The following DYSF variants were observed in gnomAD, a reference collection of about 807,000 sequenced individuals.
DYSF encodes the protein dysferlin.
Under a neutral mutation model 274.9 loss-of-function variants are expected in DYSF, and 212 were observed. The observed-to-expected ratio is 0.77, with a 90% confidence interval of 0.69 to 0.86. The LOEUF (loss-of-function observed/expected upper bound fraction) is 0.86. Among genes scored for constraint, DYSF ranks in the 40% least tolerant of loss-of-function variants. DYSF has a pLI of 0.00. For missense variants in DYSF, 2,666 were observed against 2,783.2 expected (o/e 0.96, Z 0.95); for synonymous variants, 1,091 against 1,078.7 (o/e 1.01, Z -0.22).
At chr2:71,668,717 G>T in intron 48 of DYSF, 37 bp from the exon 49 acceptor site, 1 of 1,600,190 alleles carries the variant, frequency 6.2e-7, no homozygotes. Flanking sequence ...CTGGTTAAAT[G>T]AGAAGGGTGG....
At chr2:71,613,538 G>A (rs373446408) in intron 40 of DYSF, 128 bp downstream of exon 40, 10 of 864,610 alleles carry the variant, frequency 1.2e-5, no homozygotes, top group South Asian at 2.9e-5. Flanking sequence ...GGGCTCTGCG[G>A]TTGGACACTG....
intron 52 of DYSF, among the ~76,000 whole-genome samples, chr2:71,676,785 T>G (rs997201933): frequency 1.3e-5 from 2 of 152,220 alleles, no homozygotes; most frequent in Non-Finnish European, 2.9e-5. Context: ...TAATTTGTTT[T>G]CTAATTACAT....
At chr2:71,574,424 A>C in intron 30 of DYSF, 53 bp downstream of exon 30, 2 of 1,593,576 alleles carry the variant, frequency 1.3e-6, no homozygotes, top group South Asian at 2.2e-5. Flanking sequence ...TTGGTTTCCC[A>C]GGGCTGTTCG....
chr2:71,674,201 C>A lies in DYSF; in HGVS notation c.5789C>A (p.Ala1930Asp), dbSNP rs1346535569. ...EQVCTIAKKD[A>D]FWRLDKTESK... is the part of the protein sequence containing the mutation. ...TCTGTTCCTCTTCCGGGTCAGGATG[C>A]CTTCTGGAGGCTGGACAAGACTGAG... Residue 1930 changes from alanine to aspartate, a missense_variant, in exon 52 of 56, where the codon GCC (alanine) becomes GAC (aspartate). By Grantham distance (126) the Ala-to-Asp change is moderately radical (BLOSUM62 -2). Transcript: ENST00000410020. 5 of 1,614,000 alleles carry A rather than the reference C, an allele frequency of 3.1e-6. No individual in the cohort carries two copies. Among genetic ancestry groups the A allele is most frequent in the South Asian group, 1.1e-5 (1 of 91,076 alleles).
At chr2:71,622,824 A>G (rs2094135526) in intron 41 of DYSF, among the ~76,000 whole-genome samples, 1 of 152,200 alleles carries the variant, frequency 6.6e-6, no homozygotes, top group South Asian at 2.1e-4. Flanking sequence ...CATCTTGGCC[A>G]GGCTGATCTT....
At chr2:71,675,508 C>T (rs933980463) in intron 52 of DYSF, among the ~76,000 whole-genome samples, 10 of 152,152 alleles carry the variant, frequency 6.6e-5, no homozygotes, top group South Asian at 4.1e-4. Flanking sequence ...TTCTGAGGCG[C>T]GGCTTCCGGC....
intron 4 of DYSF, among the ~76,000 whole-genome samples, chr2:71,510,742 G>A (rs2086007002): frequency 6.6e-6 from 1 of 152,224 alleles, no homozygotes; most frequent in Non-Finnish European, 1.5e-5. Flanking sequence ...GCCACTCAGA[G>A]GGACATTATG....
At position 71,513,748 on chromosome 2, in the gene DYSF, G is replaced by A; in HGVS notation, c.586G>A (p.Gly196Arg). 1 of 1,614,146 alleles carries A rather than the reference G, an allele frequency of 6.2e-7. No individual in the cohort carries two copies. The highest frequency in any genetic ancestry group is 8.5e-7 in the Non-Finnish European group (1 of 1,180,016). The change falls in exon 7 of 56, where the codon GGA becomes AGA. Residue 196 changes from glycine to arginine, a missense_variant. This residue lies in a region of DYSF where 794 missense variants were observed against 777.1 expected (regional missense o/e 1.02). Coordinates refer to ENST00000410020, the MANE Select transcript of DYSF (RefSeq NM_001130987.2). ...AGGAGAGGAAGACACAGAGGACCAGGGACTCACTGGAGATGAGGCGGAGCC... is the reference window on the plus strand; with the variant it reads ...AGGAGAGGAAGACACAGAGGACCAGAGACTCACTGGAGATGAGGCGGAGCC... ...TGGEEDTEDQ[G>R]LTGDEAEPFL...
chr2:71,625,684 TAAAA>T (rs201281403), intron 41 of DYSF, among the ~76,000 whole-genome samples: 6 of 151,968 alleles, frequency 3.9e-5, no homozygotes, highest in Non-Finnish European at 8.8e-5. Flanking sequence ...CTTGTCAACT[TAAAA>T]AAAAGTTGAG....
chr2:71,570,030 C>T (rs562126376), intron 27 of DYSF, 96 bp downstream of exon 27: 1 of 1,223,264 alleles, frequency 8.2e-7, no homozygotes, highest in South Asian at 1.2e-5. Context: ...CTCTTTGCCC[C>T]CTCTTACCTC....
chr2:71,523,155 G>A (rs2087488465), intron 12 of DYSF, among the ~76,000 whole-genome samples: 1 of 152,172 alleles, frequency 6.6e-6, no homozygotes, highest in Non-Finnish European at 1.5e-5. Flanking sequence ...TCTCCACTGT[G>A]ATCATCATGC....
chr2:71,512,025 C>A, intron 5 of DYSF, 104 bp downstream of exon 5: 1 of 792,624 alleles, frequency 1.3e-6, no homozygotes, highest in Non-Finnish European at 2.2e-6. Context: ...GCCTTTGCTG[C>A]CCTCCCCAGG....
In DYSF at chr2:71,570,719, G is replaced by C; in HGVS notation, c.3206G>C (p.Ser1069Thr). The change falls in exon 29 of 56, where the codon AGC becomes ACC. Residue 1069 changes from serine to threonine, a missense_variant. Ser to Thr is a moderately conservative substitution (Grantham distance 58, BLOSUM62 1). Around this residue, in one of 3 missense-constraint regions of DYSF, gnomAD observed 1,460 missense variants for 1,502.1 expected, o/e 0.97. Coordinates refer to ENST00000410020, the MANE Select transcript of DYSF (RefSeq NM_001130987.2). ...RWVRLRRRDLSQMEALKRHRQ... is the reference protein window; with the variant it reads ...RWVRLRRRDLTQMEALKRHRQ... ...GTGCGCCTGCGCAGGAGGGATCTCAGCCAAATGGAAGCACTGAAAAGGGTG... is the reference window on the plus strand; with the variant it reads ...GTGCGCCTGCGCAGGAGGGATCTCACCCAAATGGAAGCACTGAAAAGGGTG... The C allele has an allele frequency of 6.2e-7, 1 of 1,613,986 alleles. No individual in the cohort carries two copies. Among genetic ancestry groups the C allele is most frequent in the Non-Finnish European group, 8.5e-7 (1 of 1,179,944 alleles).
chr2:71,601,069 G>A (rs922820903), intron 34 of DYSF, among the ~76,000 whole-genome samples: 2 of 152,212 alleles, frequency 1.3e-5, no homozygotes, highest in Non-Finnish European at 2.9e-5. Context: ...ATCTCCTGAC[G>A]TGGTTTCTGG....
chr2:71,548,058 G>GC (rs1484401915), intron 17 of DYSF, among the ~76,000 whole-genome samples: 1 of 152,228 alleles, frequency 6.6e-6, no homozygotes, highest in African/African-American at 2.4e-5. Flanking sequence ...CTCCCCATGA[G>GC]CAGAGCCCTG....
At chr2:71,601,727 T>C (rs1462700308) in intron 35 of DYSF, among the ~76,000 whole-genome samples, 199 bp downstream of exon 35, 1 of 152,198 alleles carries the variant, frequency 6.6e-6, no homozygotes, top group Non-Finnish European at 1.5e-5. Context: ...GCTGCCCTTC[T>C]CTGCGAAGTC....
intron 1 of DYSF, among the ~76,000 whole-genome samples, chr2:71,472,226 G>A (rs537949811): frequency 6.6e-6 from 1 of 152,174 alleles, no homozygotes; most frequent in East Asian, 1.9e-4. Context: ...TTTCCTTTGG[G>A]TAAATACCAG....
At chr2:71,485,719 A>C (rs1028082455) in intron 3 of DYSF, among the ~76,000 whole-genome samples, 1 of 152,242 alleles carries the variant, frequency 6.6e-6, no homozygotes, top group Non-Finnish European at 1.5e-5. Flanking sequence ...AAGTGTAAAA[A>C]GAAAACCATA....
intron 1 of DYSF, chr2:71,454,145 C>T (rs2080952825): frequency 3.3e-6 from 5 of 1,516,648 alleles, no homozygotes; most frequent in African/African-American, 1.4e-5. Flanking sequence ...GGGGACGCCG[C>T]GGCTCTCAAC....
Sources: gnomAD v4.1 joint callset for allele counts (sites outside exome capture counted in the v4.1 genomes callset) on GRCh38, gnomAD v4.1.1 for gene constraint, gnomAD v4.1.1 regional missense constraint, MANE v1.5 for transcripts, NCBI Gene and HGNC (gene_info 2026-07-23, HGNC 2026-07-21) for gene names.